The following LRRC4C variants were observed in gnomAD, a reference collection of about 807,000 sequenced individuals.
The protein encoded by LRRC4C is leucine-rich repeat-containing protein 4C.
Under a neutral mutation model 33.6 loss-of-function variants are expected in LRRC4C, and 5 were observed. The ratio of observed to expected loss-of-function variants is 0.15; its 90% confidence interval spans 0.08 to 0.31. The LOEUF is 0.31. Ranked by LOEUF, LRRC4C falls within the 10% of genes least tolerant of loss-of-function variation. The probability of loss-of-function intolerance (pLI) is 1.00; values close to 1 mark genes in which losing one functional copy is unlikely to be tolerated. For missense variants in LRRC4C, 560 were observed against 796.7 expected (o/e 0.70, Z 3.58); for synonymous variants, 329 against 302.0 (o/e 1.09, Z -0.93).
At chr11:40,719,488 T>C (rs1441421863) in intron 2 of LRRC4C, among the ~76,000 whole-genome samples, 1 of 152,120 alleles carries the variant, frequency 6.6e-6, no homozygotes, top group Non-Finnish European at 1.5e-5. Context: ...TAATGTGAGG[T>C]CTGTAATATC....
chr11:40,859,771 T>C (rs1162568903), intron 2 of LRRC4C, among the ~76,000 whole-genome samples: 1 of 152,196 alleles, frequency 6.6e-6, no homozygotes, highest in Non-Finnish European at 1.5e-5. Flanking sequence ...AGTGAAGTGC[T>C]GATACATATT....
intron 1 of LRRC4C, among the ~76,000 whole-genome samples, chr11:40,966,227 T>C (rs1850051438): frequency 6.6e-6 from 1 of 151,966 alleles, no homozygotes; most frequent in South Asian, 2.1e-4. Context: ...CATGAAAGAA[T>C]AGGTACACTT....
chr11:41,417,214 C>T (rs1307288115), intron 1 of LRRC4C, among the ~76,000 whole-genome samples: 4 of 151,808 alleles, frequency 2.6e-5, no homozygotes, highest in Admixed American at 6.6e-5. Flanking sequence ...ACTTAATGCC[C>T]GGAAATAGGA....
chr11:41,049,803 T>C (rs1858068510), intron 1 of LRRC4C, among the ~76,000 whole-genome samples: 1 of 152,212 alleles, frequency 6.6e-6, no homozygotes, highest in Non-Finnish European at 1.5e-5. Flanking sequence ...TGATCTGGCA[T>C]GTTGGCTTAC....
intron 1 of LRRC4C, among the ~76,000 whole-genome samples, chr11:40,993,788 C>T (rs1052216968): frequency 3.9e-5 from 6 of 152,074 alleles, no homozygotes; most frequent in Non-Finnish European, 4.4e-5. Context: ...CAGTGAATTC[C>T]TTGACAAGGA....
chr11:40,471,170 A>T (rs773388130), intron 3 of LRRC4C, among the ~76,000 whole-genome samples: 35 of 152,206 alleles, frequency 2.3e-4, no homozygotes, highest in Non-Finnish European at 5.9e-5. Context: ...AAGCCCATCA[A>T]ACTAACAGTG....
chr11:40,863,684 C>A (rs929863537), intron 2 of LRRC4C, among the ~76,000 whole-genome samples: 5 of 152,152 alleles, frequency 3.3e-5, no homozygotes, highest in Admixed American at 2.0e-4. Context: ...AAAGGCAAAT[C>A]TGACAGAAGA....
At chr11:41,084,021 A>T (rs61878575) in intron 1 of LRRC4C, among the ~76,000 whole-genome samples, 1 of 152,224 alleles carries the variant, frequency 6.6e-6, no homozygotes, top group African/African-American at 2.4e-5. Context: ...TATCTCACAT[A>T]TTAATTGATA....
chr11:40,985,310 G>A (rs1219005324), intron 1 of LRRC4C, among the ~76,000 whole-genome samples: 1 of 152,000 alleles, frequency 6.6e-6, no homozygotes, highest in Non-Finnish European at 1.5e-5. Context: ...TCCGCTGAGT[G>A]ACTGAAAGAT....
In LRRC4C at chr11:40,224,761, T is replaced by A. The variant is rs1355311900; in HGVS notation, c.-96+16758A>T. Among the ~76,000 whole-genome samples, 3 of 152,210 alleles carry A rather than the reference T, an allele frequency of 2.0e-5. No homozygotes were observed. The East Asian group carries it at 5.8e-4, about 29-fold the overall frequency. On this transcript the variant is annotated intron_variant, in intron 5 of 6. Transcript: ENST00000528697. ...TGACAAAAATAGGCACTGAATAAAT[T>A]AATGTTATTCTTAATTGGAGTCATC...
At chr11:40,602,936 C>T (rs756223222) in intron 3 of LRRC4C, among the ~76,000 whole-genome samples, 5 of 152,062 alleles carry the variant, frequency 3.3e-5, no homozygotes, top group African/African-American at 9.7e-5. Context: ...CCCTTCACAC[C>T]GTGACTTCCC....
At chr11:40,661,665 GA>G (rs1282408024) in intron 2 of LRRC4C, among the ~76,000 whole-genome samples, 1 of 152,160 alleles carries the variant, frequency 6.6e-6, no homozygotes, top group Non-Finnish European at 1.5e-5. Flanking sequence ...ATAACCTATA[GA>G]AAGTAGTAAG....
intron 2 of LRRC4C, among the ~76,000 whole-genome samples, chr11:40,716,337 TGGTG>T (rs1946715791): frequency 6.6e-6 from 1 of 152,152 alleles, no homozygotes; most frequent in African/African-American, 2.4e-5. Context: ...TATATCTACT[TGGTG>T]TTAAAAAATA....
At chr11:40,186,679 C>T (rs1364590505) in intron 5 of LRRC4C, among the ~76,000 whole-genome samples, 1 of 152,154 alleles carries the variant, frequency 6.6e-6, no homozygotes, top group African/African-American at 2.4e-5. Flanking sequence ...TGACACTAGG[C>T]TGTCGGGCTC....
chr11:40,480,270 T>C (rs1953478133), intron 3 of LRRC4C, among the ~76,000 whole-genome samples: 1 of 151,156 alleles, frequency 6.6e-6, no homozygotes, highest in Non-Finnish European at 1.5e-5. Flanking sequence ...CTGTGAAAGT[T>C]TTTTGTTTGC....
chr11:40,866,132 C>A (rs1954355606), intron 2 of LRRC4C, among the ~76,000 whole-genome samples: 1 of 147,366 alleles, frequency 6.8e-6, no homozygotes. Flanking sequence ...ACAGAGCAGC[C>A]CAAAGTCTCT....
intron 3 of LRRC4C, among the ~76,000 whole-genome samples, chr11:40,457,701 T>C (rs1952202512): frequency 6.6e-6 from 1 of 152,174 alleles, no homozygotes; most frequent in Non-Finnish European, 1.5e-5. Flanking sequence ...CTGCAATTTG[T>C]TGAGTCTTTG....
intron 2 of LRRC4C, among the ~76,000 whole-genome samples, chr11:40,915,640 G>C (rs1956922895): frequency 6.6e-6 from 1 of 152,148 alleles, no homozygotes; most frequent in African/African-American, 2.4e-5. Context: ...GCATGGGCAA[G>C]GACTTCATGT....
At chr11:40,260,251 G>T (rs1324117901) in intron 4 of LRRC4C, among the ~76,000 whole-genome samples, 1 of 130,142 alleles carries the variant, frequency 7.7e-6, no homozygotes, top group Non-Finnish European at 1.6e-5. Flanking sequence ...CATGTCCTTT[G>T]TAGGGACATG....
Sources: allele counts gnomAD v4.1 joint callset (sites outside exome capture counted in the v4.1 genomes callset), GRCh38; gene constraint gnomAD v4.1.1; transcripts MANE v1.5; gene names NCBI Gene and HGNC (gene_info 2026-07-23, HGNC 2026-07-21).